FRMD4A: variants seen among roughly 807,000 people sequenced by gnomAD.
FRMD4A encodes FERM domain containing 4A.
Under a neutral mutation model 129.1 loss-of-function variants are expected in FRMD4A, and 29 were observed. The observed-to-expected ratio is 0.22, with a 90% CI of 0.17 to 0.31. The LOEUF is 0.31. Among genes scored for constraint, FRMD4A ranks in the 10% least tolerant of loss-of-function variants. FRMD4A has a pLI of 1.00. For synonymous variants in FRMD4A, 634 were observed against 571.6 expected (o/e 1.11, Z -1.56); for missense variants, 1,272 against 1,375.8 (o/e 0.92, Z 1.19).
chr10:13,687,145 A>ATT (rs1488753995), intron 15 of FRMD4A, among the ~76,000 whole-genome samples: 4 of 152,200 alleles, frequency 2.6e-5, no homozygotes, highest in East Asian at 3.9e-4. Flanking sequence ...ACAAAAATTA[A>ATT]TTAGCCAAAT....
intron 12 of FRMD4A, among the ~76,000 whole-genome samples, chr10:13,714,928 A>C (rs1465054288): frequency 6.6e-6 from 1 of 152,116 alleles, no homozygotes; most frequent in Non-Finnish European, 1.5e-5. Context: ...AGTCCCAGCT[A>C]TTCGGGAGGC....
intron 2 of FRMD4A, among the ~76,000 whole-genome samples, chr10:14,209,274 C>T (rs555023066): frequency 7.9e-5 from 12 of 152,280 alleles, no homozygotes; most frequent in South Asian, 6.2e-4. Context: ...CCTCTATCCA[C>T]GCTGGCATTT....
Position 13,716,402 on chromosome 10 carries a change from C to T in FRMD4A, c.760-9289G>A, listed in dbSNP as rs1030633277. On this transcript the variant is annotated intron_variant, in intron 12 of 24. Transcript: ENST00000357447. Reference sequence around the variant, plus strand: ...GCCCTCCCAAATACCCAAACAATGACGGCAGATCACTGGCTTCCTAAATGG... The same window carrying T: ...GCCCTCCCAAATACCCAAACAATGATGGCAGATCACTGGCTTCCTAAATGG... Among the ~76,000 whole-genome samples, 6 of 152,302 alleles carry T rather than the reference C, an allele frequency of 3.9e-5. No homozygotes were observed. In the East Asian group the frequency reaches 5.8e-4, roughly 15 times the overall value.
At chr10:13,953,005 G>A (rs2095384053) in intron 2 of FRMD4A, among the ~76,000 whole-genome samples, 2 of 152,056 alleles carry the variant, frequency 1.3e-5, no homozygotes, top group South Asian at 4.1e-4. Flanking sequence ...CCCAAATTAT[G>A]TAAACTTTAA....
At chr10:13,778,385 C>G (rs774778705) in intron 6 of FRMD4A, among the ~76,000 whole-genome samples, 7 of 152,084 alleles carry the variant, frequency 4.6e-5, no homozygotes, top group Non-Finnish European at 8.8e-5. Context: ...CGGCAAAACC[C>G]CAAAATGCTG....
chr10:13,775,569 C>T (rs538968350), intron 6 of FRMD4A, among the ~76,000 whole-genome samples: 6 of 152,132 alleles, frequency 3.9e-5, no homozygotes, highest in South Asian at 2.1e-4. Flanking sequence ...TGTTCTCCAG[C>T]GAAACAATGG....
chr10:14,315,984 G>A (rs1395468403), intron 2 of FRMD4A, among the ~76,000 whole-genome samples: 2 of 152,218 alleles, frequency 1.3e-5, no homozygotes, highest in Non-Finnish European at 2.9e-5. Context: ...TCTACCAGGT[G>A]GGTTGGGTGC....
Position 14,314,497 on chromosome 10 carries a change from G to A in FRMD4A, c.45+15561C>T, listed in dbSNP as rs140533869. On this transcript the variant is annotated intron_variant, in intron 2 of 24. Transcript: ENST00000357447. ...GAAAAATAAGGGGAAGTGTTCTGGG[G>A]AGCTTCTGGGAGAGATTTTCCTCCC... is the stretch of plus-strand genomic sequence containing the variant. 3.0e-4 allele frequency among the ~76,000 whole-genome samples: 45 copies of A among 152,272 alleles called. No homozygotes were observed. In the East Asian group the frequency reaches 8.5e-3, roughly 29 times the overall value.
intron 2 of FRMD4A, among the ~76,000 whole-genome samples, chr10:14,033,370 T>C (rs1441613962): frequency 2.6e-5 from 4 of 152,102 alleles, no homozygotes; most frequent in Non-Finnish European, 5.9e-5. Flanking sequence ...ATATTATTAA[T>C]ACATGCTTAT....
chr10:13,702,001 G>A (rs947849047), intron 13 of FRMD4A, among the ~76,000 whole-genome samples: 5 of 152,144 alleles, frequency 3.3e-5, no homozygotes, highest in Non-Finnish European at 7.3e-5. Flanking sequence ...GGCAGGGAGG[G>A]TATAAAGAAT....
intron 2 of FRMD4A, among the ~76,000 whole-genome samples, chr10:13,957,525 G>T (rs1326624441): frequency 6.6e-6 from 1 of 152,156 alleles, no homozygotes; most frequent in Admixed American, 6.5e-5. Context: ...AAAGTGCTGG[G>T]ATTATAGACG....
chr10:13,815,452 T>C (rs2093526623), intron 3 of FRMD4A, among the ~76,000 whole-genome samples: 1 of 152,112 alleles, frequency 6.6e-6, no homozygotes, highest in Non-Finnish European at 1.5e-5. Context: ...TACTGGATGA[T>C]GAAAAAGTGT....
chr10:14,196,204 G>A (rs538496082), intron 2 of FRMD4A, among the ~76,000 whole-genome samples: 1 of 152,032 alleles, frequency 6.6e-6, no homozygotes, highest in East Asian at 1.9e-4. Context: ...TGCACCAGCA[G>A]TCATGGAAAT....
At position 13,933,799 on chromosome 10, in the gene FRMD4A, C is replaced by A. The variant is rs2095224664; in HGVS notation, c.46-74887G>T. Among the ~76,000 whole-genome samples, 3 of 152,172 alleles carry A rather than the reference C, an allele frequency of 2.0e-5. No individual in the cohort carries two copies. In the South Asian group the frequency reaches 6.2e-4, roughly 32 times the overall value. On this transcript the variant is annotated intron_variant, in intron 2 of 24. Coordinates refer to ENST00000357447, the MANE Select transcript of FRMD4A (RefSeq NM_018027.5). ...CCCTGGGACACAGATAGAAAGGAAG[C>A]AGCTTCCCCAAGGACTTGGACAGCA...
chr10:14,250,297 TG>T (rs1203239630), intron 2 of FRMD4A, among the ~76,000 whole-genome samples: 7 of 152,196 alleles, frequency 4.6e-5, no homozygotes, highest in Non-Finnish European at 1.0e-4. Context: ...TCATAAAAAC[TG>T]TGCCCATTTC....
At chr10:13,787,467 T>A (rs1474786590) in intron 5 of FRMD4A, among the ~76,000 whole-genome samples, 2 of 146,288 alleles carry the variant, frequency 1.4e-5, no homozygotes, top group African/African-American at 5.6e-5. Context: ...TTTTTTTTCT[T>A]TTTTTTCTTT....
chr10:13,874,185 G>C (rs2131096104), intron 2 of FRMD4A, among the ~76,000 whole-genome samples: 1 of 142,952 alleles, frequency 7.0e-6, no homozygotes, highest in South Asian at 2.3e-4. Context: ...GGCGCAGGTT[G>C]TGGTGAGCCG....
Position 13,821,573 on chromosome 10 carries a change from C to T in FRMD4A, c.112-10665G>A, listed in dbSNP as rs1010614976. Among the ~76,000 whole-genome samples the T allele has an allele frequency of 2.0e-5, 3 of 152,164 alleles. No individual in the cohort carries two copies. The highest frequency in any genetic ancestry group is 6.5e-5 in the Admixed American group (1 of 15,286). ...GCCAACAACACTGCCCACCTGTCCC[C>T]GCCTGCAGCTGCTACTTCACATGAA... On this transcript the variant is annotated intron_variant, in intron 3 of 24. Transcript: ENST00000357447. The surrounding 1 kb of genome is among the most constrained non-coding windows in gnomAD (Gnocchi z 4.3).
At chr10:14,241,034 G>A (rs541443460) in intron 2 of FRMD4A, among the ~76,000 whole-genome samples, 1 of 152,252 alleles carries the variant, frequency 6.6e-6, no homozygotes, top group South Asian at 2.1e-4. Flanking sequence ...TAATGGCTCA[G>A]CATTTTGCAA....
Sources: gnomAD v4.1 joint callset for allele counts (sites outside exome capture counted in the v4.1 genomes callset) on GRCh38, gnomAD v4.1.1 for gene constraint, Gnocchi (gnomAD v3.1) non-coding constraint, MANE v1.5 for transcripts, NCBI Gene and HGNC (gene_info 2026-07-23, HGNC 2026-07-21) for gene names.